SDC3: variants seen among roughly 807,000 people sequenced by gnomAD.
SDC3 encodes syndecan 3.
In SDC3, 13 loss-of-function variants were observed where a neutral mutation model predicts 24.4. The ratio of observed to expected loss-of-function variants is 0.53; its 90% CI spans 0.35 to 0.85. SDC3 has a LOEUF of 0.85. SDC3 is among the 40% of genes least tolerant of loss of function. SDC3 has a pLI of 0.01. For synonymous variants in SDC3, 295 were observed against 260.9 expected, an observed-to-expected ratio of 1.13 and a Z score of -1.26; for missense variants, 571 against 584.5, an observed-to-expected ratio of 0.98 and a Z score of 0.24.
chr1:30,908,837 GC>G (rs377486013), upstream of SDC3: 146,465 of 146,478 alleles, frequency 1, 73,226 homozygotes, highest in Middle Eastern at 1. Flanking sequence ...CGGAGGAGGG[GC>G]CCGGGGCGGG....
intron 1 of SDC3, among the ~76,000 whole-genome samples, chr1:30,900,714 A>T (rs1638399051): frequency 6.6e-6 from 1 of 152,114 alleles, no homozygotes; most frequent in South Asian, 2.1e-4. Context: ...CCCGCAATCG[A>T]ATTGGCAATC....
In SDC3 at chr1:30,876,464, C is replaced by A; in HGVS notation, c.870+88G>T. The A allele has an allele frequency of 5.0e-6, 6 of 1,197,480 alleles. No homozygotes were observed. The South Asian group carries it at 1.3e-4, about 26-fold the overall frequency. The allele number at this position is 1,197,480 out of a possible 1,614,324, so 74.2% of individuals were successfully genotyped here. Reference sequence around the variant, plus strand: ...TGGCTCATCTCTATAGCCTCCTGGTCCTCAGTCCTGTCCAGCCCCATCCTC... The same window carrying A: ...TGGCTCATCTCTATAGCCTCCTGGTACTCAGTCCTGTCCAGCCCCATCCTC... On this transcript the variant is annotated intron_variant, in intron 3 of 4. Transcript: ENST00000339394.
At chr1:30,892,029 C>T (rs1244997710) in intron 1 of SDC3, among the ~76,000 whole-genome samples, 2 of 151,942 alleles carry the variant, frequency 1.3e-5, no homozygotes, top group Non-Finnish European at 2.9e-5. Flanking sequence ...CCCCCCAACC[C>T]AACATCCTCC....
intron 1 of SDC3, among the ~76,000 whole-genome samples, chr1:30,890,246 G>T (rs1436565545): frequency 4.6e-5 from 7 of 152,202 alleles, no homozygotes; most frequent in Admixed American, 4.6e-4. Flanking sequence ...GGCAGAGGTT[G>T]CAGGGAGCCG....
intron 1 of SDC3, among the ~76,000 whole-genome samples, chr1:30,886,546 T>C (rs1209043279): frequency 6.6e-6 from 1 of 152,060 alleles, no homozygotes; most frequent in African/African-American, 2.4e-5. Context: ...GGGAAGCAGA[T>C]AATATGGTCT....
chr1:30,891,013 G>A (rs1639896370), intron 1 of SDC3, among the ~76,000 whole-genome samples: 1 of 152,112 alleles, frequency 6.6e-6, no homozygotes, highest in Non-Finnish European at 1.5e-5. Context: ...GAGACTCCAG[G>A]GACTCCAGAC....
Position 30,874,421 on chromosome 1 carries a change from T to C in SDC3, c.1038A>G (p.Pro346=). The part of the protein sequence containing the change: ...VGGAAAKASS[P]PGTLPKGARP... ...GGGCACCCTTGGGCAGTGTCCCAGG[T>C]GGAGATGATGCCTTGGCCGCAGCCC... Residue 346 remains proline, a synonymous_variant, in exon 4 of 5, where the codon CCA becomes CCG. Transcript: ENST00000339394. 6.2e-7 allele frequency: 1 copy of C among 1,614,160 alleles called. No homozygotes were observed. Among genetic ancestry groups the C allele is most frequent in the Non-Finnish European group, 8.5e-7 (1 of 1,180,006 alleles).
chr1:30,901,229 G>C (rs1024784433), intron 1 of SDC3, among the ~76,000 whole-genome samples: 7 of 152,170 alleles, frequency 4.6e-5, no homozygotes, highest in African/African-American at 1.7e-4. Flanking sequence ...CCAATCCATT[G>C]GCAAGGCCCC....
intron 2 of SDC3, chr1:30,877,654 G>T (rs3795436): frequency 0.085 from 15,638 of 182,918 alleles, 1,908 homozygotes; most frequent in East Asian, 0.52. Flanking sequence ...TGAGGCAGGG[G>T]AACTGCTTGA....
At chr1:30,902,107 G>T (rs1638425042) in intron 1 of SDC3, among the ~76,000 whole-genome samples, 1 of 152,206 alleles carries the variant, frequency 6.6e-6, no homozygotes, top group African/African-American at 2.4e-5. Flanking sequence ...AAGGCCAGGG[G>T]TGGGGAGAAG....
Position 30,869,534 on chromosome 1 carries a change from AAC to A in SDC3, c.*3675_*3676del, listed in dbSNP as rs1282229598. The A allele has an allele frequency of 1.8e-3, 561 of 306,788 alleles. No individual in the cohort carries two copies. Among genetic ancestry groups the A allele is most frequent in the Non-Finnish European group, 2.4e-3 (464 of 190,016 alleles). The allele number at this position is 306,788 out of a possible 1,614,324, so 19.0% of individuals were successfully genotyped here. On this transcript the variant is annotated 3_prime_UTR_variant, in exon 5 of 5. Coordinates refer to ENST00000339394, the MANE Select transcript of SDC3 (RefSeq NM_014654.4). Reference sequence around the variant, plus strand: ...ACAGGAAGTGTTAAAAAAACAAACAAACAAAAAAAAAAAAAAAAAAAAAAAAA... The same window carrying A: ...ACAGGAAGTGTTAAAAAAACAAACAAAAAAAAAAAAAAAAAAAAAAAAAAA...
intron 1 of SDC3, among the ~76,000 whole-genome samples, chr1:30,894,303 G>A (rs1209247937): frequency 1.4e-5 from 2 of 145,664 alleles, no homozygotes; most frequent in East Asian, 4.1e-4. Context: ...GAGTGTGTGG[G>A]GGTGTGTGTG....
In SDC3 at chr1:30,908,564, C is replaced by T. The variant is rs1320949791; in HGVS notation, c.23G>A (p.Arg8His). The T allele has an allele frequency of 1.0e-6, 1 of 975,030 alleles. No homozygotes were observed. Among genetic ancestry groups the T allele is most frequent in the Non-Finnish European group, 1.2e-6 (1 of 825,514 alleles). 60.4% of individuals were successfully genotyped at this position (975,030 alleles called of 1,614,324 possible). Residue 8 changes from arginine (R) to histidine (H), a missense_variant, in exon 1 of 5, where the codon CGT becomes CAT. By Grantham distance (29) the Arg-to-His change is conservative (BLOSUM62 0). Around this residue, in one of 2 missense-constraint regions of SDC3, gnomAD observed 497 missense variants for 471.6 expected, o/e 1.05. Transcript: ENST00000339394. MKPGPPH[R>H]AGAAHGAGAG... is the part of the protein sequence containing the mutation. ...GCCGGCCCCGTGGGCGGCCCCGGCA[C>T]GGTGCGGCGGCCCCGGCTTCATGGC...
chr1:30,877,434 C>G (rs1031015071), intron 2 of SDC3: 11 of 601,258 alleles, frequency 1.8e-5, no homozygotes, highest in Non-Finnish European at 2.7e-5. Flanking sequence ...GCCCACCCAG[C>G]CTACAGTTTC....
rs1242751491 is a variant in SDC3, at chr1:30,908,565, G to T, written c.22C>A (p.Arg8Ser). ...CCGGCCCCGTGGGCGGCCCCGGCAC[G>T]GTGCGGCGGCCCCGGCTTCATGGCG... MKPGPPH[R>S]AGAAHGAGAG... The change falls in exon 1 of 5, where the codon CGT (arginine) becomes AGT (serine). Residue 8 changes from arginine (R) to serine (S), a missense_variant. By Grantham distance (110) the Arg-to-Ser change is moderately radical. This residue lies in a region of SDC3 where 497 missense variants were observed against 471.6 expected (regional missense o/e 1.05). Transcript: ENST00000339394. The T allele has an allele frequency of 1.0e-6, 1 of 976,546 alleles. No individual in the cohort carries two copies. Among genetic ancestry groups the T allele is most frequent in the South Asian group, 4.6e-5 (1 of 21,770 alleles). The allele number at this position is 976,546 out of a possible 1,614,324, so 60.5% of individuals were successfully genotyped here.
In SDC3 at chr1:30,878,752, A is replaced by G. The variant is rs1172801360; in HGVS notation, c.139-12T>C. 2.5e-6 allele frequency: 4 copies of G among 1,611,950 alleles called. No individual in the cohort carries two copies. On this transcript the variant is annotated splice_polypyrimidine_tract_variant and intron_variant, in intron 1 of 4. Coordinates refer to ENST00000339394, the MANE Select transcript of SDC3 (RefSeq NM_014654.4). Reference sequence around the variant, plus strand: ...CGCCAGCGCTGGGCCTAGGGAAGGTAGAGGTGGACACAGGGCTCGGCACCC... The same window carrying G: ...CGCCAGCGCTGGGCCTAGGGAAGGTGGAGGTGGACACAGGGCTCGGCACCC...
intron 1 of SDC3, among the ~76,000 whole-genome samples, chr1:30,881,605 C>T (rs950687782): frequency 6.6e-6 from 1 of 152,244 alleles, no homozygotes; most frequent in Non-Finnish European, 1.5e-5. Context: ...GCTCCGCAAG[C>T]GGCCCATGAA....
chr1:30,893,968 G>T (rs1392203443), intron 1 of SDC3, among the ~76,000 whole-genome samples: 1 of 151,998 alleles, frequency 6.6e-6, no homozygotes, highest in Non-Finnish European at 1.5e-5. Context: ...AAGCTCTGAG[G>T]CCCTCCACAC....
At chr1:30,895,133 C>G (rs4949321) in intron 1 of SDC3, among the ~76,000 whole-genome samples, 14,966 of 152,094 alleles carry the variant, frequency 0.098, 1,103 homozygotes, top group Admixed American at 0.2. Flanking sequence ...TTGGGGGACT[C>G]CTGATCCCCC....
Sources: gnomAD v4.1 joint callset for allele counts (sites outside exome capture counted in the v4.1 genomes callset) on GRCh38, gnomAD v4.1.1 for gene constraint, gnomAD v4.1.1 regional missense constraint, MANE v1.5 for transcripts, NCBI Gene and HGNC (gene_info 2026-07-23, HGNC 2026-07-21) for gene names.